The following NKAIN3 variants were observed in gnomAD, a reference collection of about 807,000 sequenced individuals.
The protein encoded by NKAIN3 is sodium/potassium transporting ATPase interacting 3.
Under a neutral mutation model 30.2 loss-of-function variants are expected in NKAIN3, and 25 were observed. That is an observed-to-expected ratio of 0.83 (90% CI 0.60 to 1.16). NKAIN3 has a LOEUF of 1.16. NKAIN3 is among the 50% of genes most tolerant of loss of function. NKAIN3 has a pLI of 0.00. For synonymous variants in NKAIN3, 91 were observed against 89.6 expected (o/e 1.02, Z -0.09); for missense variants, 225 against 254.1 (o/e 0.89, Z 0.78).
At chr8:62,682,623 T>G (rs1563514464) in intron 3 of NKAIN3, among the ~76,000 whole-genome samples, 1 of 152,094 alleles carries the variant, frequency 6.6e-6, no homozygotes, top group Non-Finnish European at 1.5e-5. Context: ...ACTAGATGCT[T>G]TTGAGGTGGA....
At chr8:62,346,638 A>T (rs990406716) in intron 1 of NKAIN3, among the ~76,000 whole-genome samples, 6 of 152,098 alleles carry the variant, frequency 3.9e-5, no homozygotes, top group African/African-American at 1.4e-4. Flanking sequence ...CAACATGGAT[A>T]TTACTGAGTC....
chr8:62,807,598 G>A (rs1319266048), intron 4 of NKAIN3, among the ~76,000 whole-genome samples: 1 of 145,860 alleles, frequency 6.9e-6, no homozygotes, highest in African/African-American at 2.5e-5. Flanking sequence ...CTGTCACCAG[G>A]CTGGAGTGCA....
intron 1 of NKAIN3, among the ~76,000 whole-genome samples, chr8:62,311,700 G>A (rs761848316): frequency 6.6e-6 from 1 of 150,404 alleles, no homozygotes; most frequent in Non-Finnish European, 1.5e-5. Flanking sequence ...CCACATGGAC[G>A]TGCCACCTGG....
chr8:62,574,944 A>G (rs2098974610), intron 1 of NKAIN3, among the ~76,000 whole-genome samples: 1 of 152,126 alleles, frequency 6.6e-6, no homozygotes, highest in South Asian at 2.1e-4. Context: ...ACCTTTAAAA[A>G]AAAAACTGGG....
chr8:62,358,473 A>G (rs1024333943), intron 1 of NKAIN3, among the ~76,000 whole-genome samples: 8 of 152,170 alleles, frequency 5.3e-5, no homozygotes, highest in Admixed American at 1.3e-4. Flanking sequence ...TTAAGCGTAG[A>G]TATAAATGAG....
intron 1 of NKAIN3, among the ~76,000 whole-genome samples, chr8:62,265,311 T>G (rs1175704139): frequency 2.0e-5 from 3 of 152,176 alleles, no homozygotes; most frequent in Non-Finnish European, 4.4e-5. Context: ...ATAATCAAAT[T>G]CTGTAAACAC....
intron 1 of NKAIN3, among the ~76,000 whole-genome samples, chr8:62,525,966 A>C (rs1213136460): frequency 6.6e-6 from 1 of 152,194 alleles, no homozygotes; most frequent in Non-Finnish European, 1.5e-5. Context: ...TTTTTTAGAA[A>C]ACATCACATT....
Position 62,846,764 on chromosome 8 carries a change from C to T in NKAIN3, c.472-71689C>T, listed in dbSNP as rs193068705. Among the ~76,000 whole-genome samples, 41 of 152,052 alleles carry T rather than the reference C, an allele frequency of 2.7e-4. No individual in the cohort carries two copies. In the East Asian group the frequency reaches 6.4e-3, roughly 24 times the overall value. Reference sequence around the variant, plus strand: ...ATTGTATTAATCTGTTCTCATGCTGCGAATAAAGACCCAAGGCTGGGTAAT... The same window carrying T: ...ATTGTATTAATCTGTTCTCATGCTGTGAATAAAGACCCAAGGCTGGGTAAT... On this transcript the variant is annotated intron_variant, in intron 4 of 6. Coordinates refer to ENST00000623646, the MANE Select transcript of NKAIN3 (RefSeq NM_001304533.3).
chr8:62,824,491 A>AAC lies in NKAIN3; in HGVS notation c.471+77402_471+77403dup, dbSNP rs6150612. ...TAAGCGGAAAAAATACCACCTCTTC[A>AAC]ACACACACACACACACACACACACA... On this transcript the variant is annotated intron_variant, in intron 4 of 6. Coordinates refer to ENST00000623646, the MANE Select transcript of NKAIN3 (RefSeq NM_001304533.3). Among the ~76,000 whole-genome samples the AAC allele has an allele frequency of 4.5e-3, 669 of 148,698 alleles. 10 individuals are homozygous for AAC. Among genetic ancestry groups the AAC allele is most frequent in the East Asian group, 0.042 (207 of 4,934 alleles).
At chr8:62,666,220 ATAAT>A (rs1214137281) in intron 3 of NKAIN3, among the ~76,000 whole-genome samples, 1 of 152,158 alleles carries the variant, frequency 6.6e-6, no homozygotes, top group East Asian at 1.9e-4. Flanking sequence ...CTGTCTCAAA[ATAAT>A]TAATTAATTA....
intron 1 of NKAIN3, among the ~76,000 whole-genome samples, chr8:62,521,292 G>A (rs543406754): frequency 2.6e-5 from 4 of 152,122 alleles, no homozygotes; most frequent in South Asian, 2.1e-4. Context: ...TCCAAATGTC[G>A]TTTTTGCAAG....
At chr8:62,734,461 G>C (rs1302517863) in intron 3 of NKAIN3, among the ~76,000 whole-genome samples, 1 of 152,036 alleles carries the variant, frequency 6.6e-6, no homozygotes, top group Non-Finnish European at 1.5e-5. Context: ...TTAATCTTTG[G>C]AAAACCTGAG....
intron 4 of NKAIN3, among the ~76,000 whole-genome samples, chr8:62,912,473 C>T (rs951514023): frequency 6.6e-6 from 1 of 152,120 alleles, no homozygotes; most frequent in Admixed American, 6.5e-5. Flanking sequence ...TTTTAAAGAA[C>T]CTTTTGACTC....
At chr8:62,686,177 A>T (rs924163124) in intron 3 of NKAIN3, among the ~76,000 whole-genome samples, 6 of 152,160 alleles carry the variant, frequency 3.9e-5, no homozygotes, top group African/African-American at 1.4e-4. Context: ...AAACCAGACT[A>T]TTTCTGCCTA....
Position 62,249,095 on chromosome 8 carries a change from T to C in NKAIN3, c.22T>C (p.Cys8Arg), listed in dbSNP as rs1185215679. MGCCTGR[C>R]SLICLCALQL... ...CACCATGGGCTGCTGCACCGGACGC[T>C]GCTCGCTCATCTGCCTCTGCGCGCT... Residue 8 changes from cysteine (C) to arginine (R), a missense_variant, in exon 1 of 7, where the codon TGC becomes CGC. By Grantham distance (180) the Cys-to-Arg change is radical. Transcript: ENST00000623646. 1 of 1,539,316 alleles carries C rather than the reference T, an allele frequency of 6.5e-7. No individual in the cohort carries two copies.
intron 1 of NKAIN3, among the ~76,000 whole-genome samples, chr8:62,362,495 G>T (rs1465107050): frequency 1.3e-5 from 2 of 150,598 alleles, no homozygotes; most frequent in Non-Finnish European, 2.9e-5. Context: ...CAGTTTCCCA[G>T]GTGGGTGGAG....
rs1823853690 is a variant in NKAIN3 at position 62,972,382 on chromosome 8, A to G, written c.*6975A>G. 6.6e-6 allele frequency among the ~76,000 whole-genome samples: 1 copy of G among 152,176 alleles called. No individual in the cohort carries two copies. Among genetic ancestry groups the G allele is most frequent in the African/African-American group, 2.4e-5 (1 of 41,452 alleles). ...TATAAATATGTATATATTGGGGGGC[A>G]AAATATGACTTTTTATTTTTATTTT... On this transcript the variant is annotated 3_prime_UTR_variant, in exon 7 of 7. Coordinates refer to ENST00000623646, the MANE Select transcript of NKAIN3 (RefSeq NM_001304533.3).
At chr8:62,957,054 T>C (rs1823438620) in intron 6 of NKAIN3, among the ~76,000 whole-genome samples, 1 of 152,214 alleles carries the variant, frequency 6.6e-6, no homozygotes, top group Non-Finnish European at 1.5e-5. Flanking sequence ...CCATGAGATC[T>C]AGCAATCGAG....
chr8:62,612,542 T>G (rs1246553571), intron 3 of NKAIN3, among the ~76,000 whole-genome samples: 1 of 151,666 alleles, frequency 6.6e-6, no homozygotes, highest in Non-Finnish European at 1.5e-5. Flanking sequence ...GGTCTTGTTT[T>G]TTTTTTTAAT....
Sources: allele counts gnomAD v4.1 joint callset (sites outside exome capture counted in the v4.1 genomes callset), GRCh38; gene constraint gnomAD v4.1.1; transcripts MANE v1.5; gene names NCBI Gene and HGNC (gene_info 2026-07-23, HGNC 2026-07-21).